Variants in SH3D19 observed in about 807,000 individuals in gnomAD.
SH3D19 encodes SH3 domain-containing protein 19.
SH3D19 carries 58 observed loss-of-function variants against 112.1 expected under a neutral mutation model. That is an observed-to-expected ratio of 0.52 (90% CI 0.42 to 0.64). The LOEUF is 0.64. Ranked by LOEUF, SH3D19 falls within the 30% of genes least tolerant of loss-of-function variation. The pLI is 0.00. For missense variants in SH3D19, 1,090 were observed against 1,263.4 expected (o/e 0.86, Z 2.08); for synonymous variants, 391 against 448.5 (o/e 0.87, Z 1.62).
At chr4:151,147,122 C>T (rs961247003) in intron 11 of SH3D19, among the ~76,000 whole-genome samples, 1 of 152,122 alleles carries the variant, frequency 6.6e-6, no homozygotes, top group Non-Finnish European at 1.5e-5. Flanking sequence ...GAGGCATGTT[C>T]CCATAACCCC....
At chr4:151,299,601 A>AAAAAG (rs5862957) in intron 1 of SH3D19, among the ~76,000 whole-genome samples, 2 of 147,904 alleles carry the variant, frequency 1.4e-5, no homozygotes. Context: ...AAAAAAAAAA[A>AAAAAG]TTAAAATCAC....
rs545106831 is a variant in SH3D19, at chr4:151,265,413, C to T, written c.113-39327G>A. 3.3e-5 allele frequency among the ~76,000 whole-genome samples: 5 copies of T among 149,614 alleles called. No individual in the cohort carries two copies. The South Asian group carries it at 8.5e-4, about 26-fold the overall frequency. On this transcript the variant is annotated intron_variant, in intron 1 of 19. Coordinates refer to ENST00000604030, the MANE Select transcript of SH3D19 (RefSeq NM_001378122.1). ...AGATGATGGATCTAGATAGTGGAGC[C>T]AAAAAATAGAAGGAGATAAAAGGAG...
At chr4:151,162,528 T>C (rs1757329510) in intron 8 of SH3D19, among the ~76,000 whole-genome samples, 1 of 151,920 alleles carries the variant, frequency 6.6e-6, no homozygotes, top group South Asian at 2.1e-4. Flanking sequence ...AGTTTACAAG[T>C]GTGCAGAAAA....
chr4:151,230,662 G>A (rs1769539875), intron 1 of SH3D19, among the ~76,000 whole-genome samples: 1 of 150,200 alleles, frequency 6.7e-6, no homozygotes, highest in Non-Finnish European at 1.5e-5. Context: ...GTGCAATCTC[G>A]GCTCACTGCA....
intron 1 of SH3D19, among the ~76,000 whole-genome samples, chr4:151,302,562 T>C (rs1405376609): frequency 2.0e-5 from 3 of 152,158 alleles, no homozygotes; most frequent in African/African-American, 7.2e-5. Flanking sequence ...GTAAGTATTT[T>C]AGGCTTGCAG....
intron 2 of SH3D19, among the ~76,000 whole-genome samples, chr4:151,205,949 T>G (rs909760472): frequency 2.0e-5 from 3 of 152,254 alleles, no homozygotes; most frequent in Non-Finnish European, 4.4e-5. Context: ...CAGAGTTCTT[T>G]GCTACTGTGC....
In SH3D19 at chr4:151,149,572, C is replaced by T; in HGVS notation, c.1756-11G>A. 1 of 1,610,048 alleles carries T rather than the reference C, an allele frequency of 6.2e-7. No homozygotes were observed. Among genetic ancestry groups the T allele is most frequent in the Non-Finnish European group, 8.5e-7 (1 of 1,177,896 alleles). On this transcript the variant is annotated splice_polypyrimidine_tract_variant and intron_variant, in intron 9 of 19. Transcript: ENST00000604030. ...TGGGTGGTTGGATTCCTGCAAGTAG[C>T]AGAGAATGCTTTTTAGTTAAGGTTA... is the stretch of plus-strand genomic sequence containing the variant.
At chr4:151,159,414 T>C (rs897647174) in intron 8 of SH3D19, 62 bp from the exon 9 acceptor site, 4 of 971,928 alleles carry the variant, frequency 4.1e-6, no homozygotes, top group African/African-American at 3.4e-5. Context: ...AAGAATGAAA[T>C]GATTGCTGCT....
chr4:151,300,420 T>C (rs1389930219), intron 1 of SH3D19: 2 of 152,008 alleles, frequency 1.3e-5, no homozygotes, highest in Non-Finnish European at 2.9e-5. Context: ...AAAAAATTTC[T>C]AGAAGATTAT....
intron 1 of SH3D19, chr4:151,277,199 G>A (rs755258227): frequency 6.7e-6 from 10 of 1,501,908 alleles, no homozygotes; most frequent in African/African-American, 5.6e-5. Context: ...GTGCCTTCAC[G>A]CTGCTCCTTC....
chr4:151,259,363 T>C (rs1319620546), intron 1 of SH3D19: 1 of 152,198 alleles, frequency 6.6e-6, no homozygotes, highest in Non-Finnish European at 1.5e-5. Flanking sequence ...GGGAAGGGAA[T>C]CTGTGTAAGG....
At chr4:151,250,358 T>G (rs755555303) in intron 1 of SH3D19, among the ~76,000 whole-genome samples, 11 of 152,136 alleles carry the variant, frequency 7.2e-5, no homozygotes, top group Non-Finnish European at 1.6e-4. Context: ...TGAAAAAAGT[T>G]AAGTTGCATG....
At chr4:151,149,629 T>C (rs1754555566) in intron 9 of SH3D19, 68 bp from the exon 10 acceptor site, 2 of 1,427,660 alleles carry the variant, frequency 1.4e-6, no homozygotes, top group South Asian at 1.2e-5. Flanking sequence ...AGAGAAATTC[T>C]AGGCAACCTT....
chr4:151,199,274 C>T (rs1322511487), intron 2 of SH3D19, among the ~76,000 whole-genome samples: 2 of 152,116 alleles, frequency 1.3e-5, no homozygotes, highest in African/African-American at 2.4e-5. Flanking sequence ...GGACTACAGA[C>T]TCTGAGTCTG....
chr4:151,129,608 G>A lies in SH3D19; in HGVS notation c.2743-1252C>T, dbSNP rs558324506. 3.9e-5 allele frequency among the ~76,000 whole-genome samples: 6 copies of A among 152,284 alleles called. No homozygotes were observed. The South Asian group carries it at 1.0e-3, about 26-fold the overall frequency. ...TGGTCTCGAACTCCTGGCCTGAAGC[G>A]ATCCACCTGCCTTGGCCTCCCAAGG... On this transcript the variant is annotated intron_variant, in intron 17 of 19. Transcript: ENST00000604030.
At chr4:151,185,983 C>A (rs1318200936) in intron 3 of SH3D19, among the ~76,000 whole-genome samples, 1 of 151,956 alleles carries the variant, frequency 6.6e-6, no homozygotes, top group Non-Finnish European at 1.5e-5. Flanking sequence ...GAGGTAGCAA[C>A]GAGACAAGAT....
Position 151,159,282 on chromosome 4 carries a change from T to C in SH3D19, c.1713A>G (p.Thr571=). Residue 571 remains threonine (T), a synonymous_variant, in exon 9 of 20, where the codon ACA becomes ACG. Coordinates refer to ENST00000604030, the MANE Select transcript of SH3D19 (RefSeq NM_001378122.1). The part of the protein sequence containing the change: ...AEKPIGNTFS[T]VSGKLSNVER... Reference sequence around the variant, plus strand: ...CAACATTACTGAGCTTTCCAGATACTGTACTGAAAGTGTTTCCAATAGGTT... The same window carrying C: ...CAACATTACTGAGCTTTCCAGATACCGTACTGAAAGTGTTTCCAATAGGTT... The C allele has an allele frequency of 6.4e-7, 1 of 1,571,038 alleles. No homozygotes were observed. Among genetic ancestry groups the C allele is most frequent in the Non-Finnish European group, 8.6e-7 (1 of 1,165,758 alleles).
chr4:151,128,412 T>G (rs1001250911), intron 17 of SH3D19, 56 bp from the exon 18 acceptor site: 16 of 1,444,226 alleles, frequency 1.1e-5, no homozygotes, highest in Non-Finnish European at 1.4e-5. Flanking sequence ...GAAATTGAGT[T>G]CTACAAAGCT....
chr4:151,122,426 A>G (rs1748128230), intron 19 of SH3D19, among the ~76,000 whole-genome samples: 1 of 152,000 alleles, frequency 6.6e-6, no homozygotes, highest in African/African-American at 2.4e-5. Flanking sequence ...CCCTTGCTGC[A>G]CTTTGATTTT....
Sources: allele counts gnomAD v4.1 joint callset (sites outside exome capture counted in the v4.1 genomes callset), GRCh38; gene constraint gnomAD v4.1.1; transcripts MANE v1.5; gene names NCBI Gene and HGNC (gene_info 2026-07-23, HGNC 2026-07-21).